GPC5: variants seen among roughly 807,000 people sequenced by gnomAD.
GPC5 encodes the protein glypican 5.
Under a neutral mutation model 53.9 loss-of-function variants are expected in GPC5, and 47 were observed. That is an observed-to-expected ratio of 0.87 (90% confidence interval 0.69 to 1.11). The LOEUF (loss-of-function observed/expected upper bound fraction) is 1.11. GPC5 is among the 50% of genes most tolerant of loss of function. The pLI is 0.00. For synonymous variants in GPC5, 286 were observed against 263.3 expected, an observed-to-expected ratio of 1.09 and a Z score of -0.84; for missense variants, 748 against 713.1, an observed-to-expected ratio of 1.05 and a Z score of -0.56.
In GPC5 at chr13:92,451,894, G is replaced by T. The variant is rs75547262; in HGVS notation, c.1561+306905G>T. Reference sequence around the variant, plus strand: ...GAAGTCTAAGCATTGTAAATCATACGTTTAGTACAAGTATCTCTGCGATGT... The same window carrying T: ...GAAGTCTAAGCATTGTAAATCATACTTTTAGTACAAGTATCTCTGCGATGT... On this transcript the variant is annotated intron_variant, in intron 7 of 7. Coordinates refer to ENST00000377067, the MANE Select transcript of GPC5 (RefSeq NM_004466.6). Among the ~76,000 whole-genome samples, 1,139 of 152,162 alleles carry T rather than the reference G, an allele frequency of 7.5e-3. 15 individuals carry two copies. Among genetic ancestry groups the T allele is most frequent in the African/African-American group, 0.026 (1,087 of 41,500 alleles).
intron 7 of GPC5, among the ~76,000 whole-genome samples, chr13:92,195,890 A>AG (rs2042253433): frequency 6.6e-6 from 1 of 152,164 alleles, no homozygotes; most frequent in Non-Finnish European, 1.5e-5. Context: ...ACTGTGTACC[A>AG]GGACTCAGAA....
At chr13:92,404,122 T>A (rs1013183544) in intron 7 of GPC5, among the ~76,000 whole-genome samples, 1 of 152,212 alleles carries the variant, frequency 6.6e-6, no homozygotes, top group Non-Finnish European at 1.5e-5. Flanking sequence ...GTGATTTCAA[T>A]TGTAAGAAAT....
At chr13:91,898,517 T>C (rs1166681658) in intron 5 of GPC5, among the ~76,000 whole-genome samples, 1 of 152,164 alleles carries the variant, frequency 6.6e-6, no homozygotes, top group Non-Finnish European at 1.5e-5. Flanking sequence ...TGCCTTTTAT[T>C]CTAAGCGGTC....
At chr13:91,619,890 A>G (rs763067733) in intron 2 of GPC5, among the ~76,000 whole-genome samples, 51 of 152,158 alleles carry the variant, frequency 3.4e-4, no homozygotes, top group Admixed American at 6.6e-4. Context: ...TTATGTGCAT[A>G]GAATTTATTT....
At chr13:91,604,052 C>T (rs2033271707) in intron 2 of GPC5, among the ~76,000 whole-genome samples, 1 of 149,350 alleles carries the variant, frequency 6.7e-6, no homozygotes, top group South Asian at 2.1e-4. Flanking sequence ...GCTGCACCCA[C>T]TAACTCGTCA....
At chr13:92,563,533 C>T (rs1882766420) in intron 7 of GPC5, among the ~76,000 whole-genome samples, 1 of 151,930 alleles carries the variant, frequency 6.6e-6, no homozygotes, top group Admixed American at 6.6e-5. Flanking sequence ...TGAATATATG[C>T]TAGACTAACT....
chr13:92,568,479 G>C (rs1254687653), intron 7 of GPC5, among the ~76,000 whole-genome samples: 1 of 152,090 alleles, frequency 6.6e-6, no homozygotes, highest in African/African-American at 2.4e-5. Context: ...TTTCCAGCTT[G>C]GTTAGTTTAA....
chr13:92,784,965 T>C (rs1876163335), intron 7 of GPC5, among the ~76,000 whole-genome samples: 1 of 152,036 alleles, frequency 6.6e-6, no homozygotes. Context: ...AAAATACGTA[T>C]ACTGAACCTC....
intron 7 of GPC5, among the ~76,000 whole-genome samples, chr13:92,592,001 T>A (rs144197956): frequency 2.4e-4 from 36 of 152,322 alleles, no homozygotes; most frequent in African/African-American, 8.7e-4. Context: ...GCTGGCAGTA[T>A]GCTAGGCCTG....
chr13:92,273,653 C>T (rs945458215), intron 7 of GPC5, among the ~76,000 whole-genome samples: 1 of 150,432 alleles, frequency 6.6e-6, no homozygotes, highest in Admixed American at 6.6e-5. Context: ...AAAATTAAAA[C>T]AATTAAAAAT....
intron 7 of GPC5, among the ~76,000 whole-genome samples, chr13:92,275,246 C>G (rs1453854889): frequency 1.3e-5 from 2 of 152,076 alleles, no homozygotes; most frequent in Non-Finnish European, 2.9e-5. Flanking sequence ...AAAATACACA[C>G]AGGCTTCTGT....
intron 5 of GPC5, among the ~76,000 whole-genome samples, chr13:91,828,278 C>T (rs2138848765): frequency 6.6e-6 from 1 of 152,116 alleles, no homozygotes; most frequent in Admixed American, 6.6e-5. Context: ...CCCTATGTCA[C>T]TACTCACACT....
At chr13:92,579,634 TG>T (rs1883311745) in intron 7 of GPC5, among the ~76,000 whole-genome samples, 1 of 152,130 alleles carries the variant, frequency 6.6e-6, no homozygotes. Context: ...TCTTATCTAA[TG>T]GCTCAGCCTT....
chr13:91,708,720 A>G (rs1036544835), intron 3 of GPC5, among the ~76,000 whole-genome samples: 3 of 152,198 alleles, frequency 2.0e-5, no homozygotes, highest in African/African-American at 4.8e-5. Flanking sequence ...AAAAATTACA[A>G]TGTATACTTT....
At chr13:92,723,200 A>T (rs572422104) in intron 7 of GPC5, among the ~76,000 whole-genome samples, 2 of 151,910 alleles carry the variant, frequency 1.3e-5, no homozygotes, top group African/African-American at 4.8e-5. Context: ...CTCAGAACTG[A>T]AATTAAATTT....
chr13:91,851,680 G>A (rs1212812181), intron 5 of GPC5, among the ~76,000 whole-genome samples: 1 of 117,778 alleles, frequency 8.5e-6, no homozygotes, highest in Non-Finnish European at 1.7e-5. Context: ...TCCCCAGAGT[G>A]TGATATTCCC....
intron 7 of GPC5, among the ~76,000 whole-genome samples, chr13:92,158,789 A>G (rs2041964425): frequency 2.0e-5 from 3 of 152,186 alleles, no homozygotes; most frequent in African/African-American, 4.8e-5. Flanking sequence ...GAGATATGGA[A>G]ACTCCAGCCA....
chr13:92,050,303 A>T (rs1281670119), intron 6 of GPC5, among the ~76,000 whole-genome samples: 2 of 152,136 alleles, frequency 1.3e-5, no homozygotes, highest in Admixed American at 1.3e-4. Context: ...GACATTTTAA[A>T]GCCTAGCTCT....
chr13:92,538,488 G>A (rs1421903746), intron 7 of GPC5, among the ~76,000 whole-genome samples: 1 of 133,952 alleles, frequency 7.5e-6, no homozygotes, highest in Non-Finnish European at 1.6e-5. Context: ...TACACTTTAA[G>A]TTCTGGGATA....
Sources: gnomAD v4.1 joint callset for allele counts (sites outside exome capture counted in the v4.1 genomes callset) on GRCh38, gnomAD v4.1.1 for gene constraint, MANE v1.5 for transcripts, NCBI Gene and HGNC (gene_info 2026-07-23, HGNC 2026-07-21) for gene names.